TYW1B: variants seen among roughly 807,000 people sequenced by gnomAD.
TYW1B encodes tRNA-yW synthesizing protein 1 homolog B.
TYW1B carries 73 observed loss-of-function variants against 86.9 expected under a neutral mutation model. The observed-to-expected ratio is 0.84, with a 90% CI of 0.70 to 1.02. TYW1B has a LOEUF of 1.02. Ranked by LOEUF, TYW1B falls within the 50% of genes least tolerant of loss-of-function variation. TYW1B has a pLI of 0.00. For synonymous variants in TYW1B, 248 were observed against 292.8 expected (o/e 0.85, Z 1.56); for missense variants, 637 against 827.4 (o/e 0.77, Z 2.82).
intron 13 of TYW1B, among the ~76,000 whole-genome samples, chr7:72,600,059 T>C (rs1171648156): frequency 6.6e-6 from 1 of 152,124 alleles, no homozygotes; most frequent in Non-Finnish European, 1.5e-5. Context: ...GGATGTAGAA[T>C]AGCCAACATA....
At chr7:72,581,893 G>A (rs1749601100) in intron 13 of TYW1B, among the ~76,000 whole-genome samples, 1 of 151,854 alleles carries the variant, frequency 6.6e-6, no homozygotes, top group South Asian at 2.1e-4. Flanking sequence ...TCAGCCTCCA[G>A]GGTAGCTGGG....
intron 6 of TYW1B, among the ~76,000 whole-genome samples, chr7:72,791,712 G>A (rs1157855106): frequency 3.3e-5 from 5 of 152,068 alleles, no homozygotes; most frequent in Admixed American, 6.5e-5. Context: ...GGAAGGTGGA[G>A]GTTGCAGTGA....
intron 6 of TYW1B, among the ~76,000 whole-genome samples, chr7:72,802,039 C>T (rs1240098729): frequency 1.3e-5 from 1 of 75,970 alleles, no homozygotes; most frequent in Non-Finnish European, 2.8e-5. Flanking sequence ...ATGTATTTTG[C>T]GATTTTTTTT....
chr7:72,788,894 G>C (rs1554472956), intron 6 of TYW1B, among the ~76,000 whole-genome samples: 2 of 151,118 alleles, frequency 1.3e-5, no homozygotes, highest in African/African-American at 4.9e-5. Flanking sequence ...GCAGTGCTGT[G>C]ATCATAGCTC....
chr7:72,803,217 A>G (rs1212272049), intron 5 of TYW1B, among the ~76,000 whole-genome samples: 1 of 152,114 alleles, frequency 6.6e-6, no homozygotes, highest in African/African-American at 2.4e-5. Flanking sequence ...TACAAAAACA[A>G]CAACAACAAT....
intron 11 of TYW1B, among the ~76,000 whole-genome samples, chr7:72,655,748 T>C (rs547797434): frequency 2.4e-4 from 36 of 152,298 alleles, no homozygotes; most frequent in Non-Finnish European, 4.3e-4. Flanking sequence ...TGTACCTGCA[T>C]ACACCTTCAG....
chr7:72,757,660 T>C (rs984204478), intron 7 of TYW1B, among the ~76,000 whole-genome samples: 1 of 151,980 alleles, frequency 6.6e-6, no homozygotes, highest in Non-Finnish European at 1.5e-5. Context: ...CAATATGGAG[T>C]TACTGATGTT....
intron 6 of TYW1B, among the ~76,000 whole-genome samples, chr7:72,789,939 CTTTTTT>C (rs67405029): frequency 7.2e-5 from 5 of 69,168 alleles, no homozygotes; most frequent in African/African-American, 2.6e-4. Flanking sequence ...ATAGGATTAT[CTTTTTT>C]TTTTTTTTTT....
chr7:72,822,335 A>G (rs533446353), intron 2 of TYW1B, among the ~76,000 whole-genome samples: 56 of 152,260 alleles, frequency 3.7e-4, no homozygotes, highest in South Asian at 8.3e-4. Flanking sequence ...CATCCAAGAA[A>G]TATTAACAGA....
In TYW1B at chr7:72,709,272, T is replaced by C. The variant is rs1301772415; in HGVS notation, c.1370+4349A>G. On this transcript the variant is annotated intron_variant, in intron 10 of 13. Transcript: ENST00000620995. ...TGGCTACTTTCTACATATTCTGTCT[T>C]GTTCCAGGGAAGGACATACCCTAAA... Among the ~76,000 whole-genome samples the C allele has an allele frequency of 3.2e-4, 48 of 152,230 alleles. 1 individual carries two copies. The highest frequency in any genetic ancestry group is 6.5e-5 in the Admixed American group (1 of 15,272).
intron 11 of TYW1B, among the ~76,000 whole-genome samples, chr7:72,693,303 T>A (rs1397086128): frequency 2.6e-5 from 4 of 151,854 alleles, no homozygotes; most frequent in African/African-American, 4.8e-5. Flanking sequence ...TTGCAGAAAA[T>A]GACATTCAAT....
chr7:72,752,797 T>C (rs1327912105), intron 7 of TYW1B, among the ~76,000 whole-genome samples: 2 of 152,116 alleles, frequency 1.3e-5, no homozygotes, highest in African/African-American at 4.8e-5. Flanking sequence ...ATATGTTCAA[T>C]TTCTCATATG....
intron 9 of TYW1B, among the ~76,000 whole-genome samples, chr7:72,714,371 C>T (rs1237059773): frequency 6.6e-6 from 1 of 152,014 alleles, no homozygotes; most frequent in Non-Finnish European, 1.5e-5. Context: ...ATTCCCAGCA[C>T]TTTGGGAGGC....
At chr7:72,652,376 T>TGAAA (rs1813083809) in intron 11 of TYW1B, among the ~76,000 whole-genome samples, 1 of 23,542 alleles carries the variant, frequency 4.2e-5, no homozygotes, top group African/African-American at 1.1e-4. Context: ...AGACTCTGTC[T>TGAAA]GAAAAAAAAA....
intron 11 of TYW1B, among the ~76,000 whole-genome samples, chr7:72,630,965 A>G (rs2129568735): frequency 6.6e-6 from 1 of 152,268 alleles, no homozygotes; most frequent in East Asian, 1.9e-4. Flanking sequence ...TGCAAAAACA[A>G]TTCAATATTA....
At chr7:72,615,575 C>A (rs190733306) in intron 13 of TYW1B, among the ~76,000 whole-genome samples, 7 of 152,034 alleles carry the variant, frequency 4.6e-5, no homozygotes, top group African/African-American at 1.7e-4. Flanking sequence ...GAAGACAAGG[C>A]AACATGAATG....
chr7:72,673,038 G>A (rs760217372), intron 11 of TYW1B, among the ~76,000 whole-genome samples: 9 of 152,236 alleles, frequency 5.9e-5, no homozygotes, highest in Non-Finnish European at 8.8e-5. Flanking sequence ...GTGTCGCGGC[G>A]TGCACCTGTA....
chr7:72,711,728 C>G (rs1312931835), intron 10 of TYW1B, among the ~76,000 whole-genome samples: 1 of 151,804 alleles, frequency 6.6e-6, no homozygotes, highest in Admixed American at 6.6e-5. Flanking sequence ...ACCTGGTGAT[C>G]CGCCCGTCTC....
At chr7:72,648,907 A>G (rs1449454448) in intron 11 of TYW1B, among the ~76,000 whole-genome samples, 1 of 152,188 alleles carries the variant, frequency 6.6e-6, no homozygotes, top group Non-Finnish European at 1.5e-5. Flanking sequence ...GAGGTACTGT[A>G]AGCAAAGTAA....
Sources: gnomAD v4.1 joint callset for allele counts (sites outside exome capture counted in the v4.1 genomes callset) on GRCh38, gnomAD v4.1.1 for gene constraint, MANE v1.5 for transcripts, NCBI Gene and HGNC (gene_info 2026-07-23, HGNC 2026-07-21) for gene names.